The following PTPRD variants were observed in gnomAD, a reference collection of about 807,000 sequenced individuals.
PTPRD encodes protein tyrosine phosphatase receptor type D.
In PTPRD, 34 loss-of-function variants were observed where a neutral mutation model predicts 214.5. The ratio of observed to expected loss-of-function variants is 0.16; its 90% confidence interval spans 0.12 to 0.21. The LOEUF (loss-of-function observed/expected upper bound fraction) is 0.21, where lower values mean the gene tolerates loss of function less well. Among genes scored for constraint, PTPRD ranks in the 10% least tolerant of loss-of-function variants. PTPRD has a pLI of 1.00. For missense variants in PTPRD, 2,545 were observed against 2,398.7 expected, an observed-to-expected ratio of 1.06 and a Z score of -1.27; for synonymous variants, 1,128 against 845.7, an observed-to-expected ratio of 1.33 and a Z score of -5.79.
intron 2 of PTPRD, among the ~76,000 whole-genome samples, chr9:10,423,305 T>TG (rs919981809): frequency 4.0e-5 from 6 of 151,484 alleles, no homozygotes; most frequent in African/African-American, 1.5e-4. Flanking sequence ...GGGTCTGTCA[T>TG]GGGGTGGAGG....
In PTPRD at chr9:10,221,346, C is replaced by G. The variant is rs115540882; in HGVS notation, c.-545+119617G>C. Among the ~76,000 whole-genome samples, 869 of 152,054 alleles carry G rather than the reference C, an allele frequency of 5.7e-3. 12 individuals are homozygous for G. The highest frequency in any genetic ancestry group is 0.02 in the African/African-American group (834 of 41,526). On this transcript the variant is annotated intron_variant, in intron 3 of 45. Transcript: ENST00000381196. ...ACACACACCTCTGCATACTCGATATCATTTTTATATGATATGGAAAAAATT... is the reference window on the plus strand; with the variant it reads ...ACACACACCTCTGCATACTCGATATGATTTTTATATGATATGGAAAAAATT...
At chr9:9,136,674 T>G (rs1312606687) in intron 10 of PTPRD, among the ~76,000 whole-genome samples, 1 of 152,180 alleles carries the variant, frequency 6.6e-6, no homozygotes, top group Non-Finnish European at 1.5e-5. Context: ...TGTAGTAGTT[T>G]AAGATTTTCA....
At chr9:10,364,711 G>A (rs949218990) in intron 2 of PTPRD, among the ~76,000 whole-genome samples, 1 of 152,142 alleles carries the variant, frequency 6.6e-6, no homozygotes, top group Non-Finnish European at 1.5e-5. Context: ...AATTGCCAGG[G>A]AAGTGGGGCA....
At chr9:9,859,145 C>G (rs1480272376) in intron 5 of PTPRD, among the ~76,000 whole-genome samples, 2 of 152,206 alleles carry the variant, frequency 1.3e-5, no homozygotes, top group South Asian at 2.1e-4. Context: ...CTCTCTTCTA[C>G]TGCCTTGTGA....
In PTPRD at chr9:9,478,108, T is replaced by C. The variant is rs571322711; in HGVS notation, c.-236-80626A>G. Reference sequence around the variant, plus strand: ...TTGTCTCAAATAATTTAGGTTTTTTTAGATTATGCGTAAACCTTCTTTGGC... The same window carrying C: ...TTGTCTCAAATAATTTAGGTTTTTTCAGATTATGCGTAAACCTTCTTTGGC... On this transcript the variant is annotated intron_variant, in intron 8 of 45. Transcript: ENST00000381196. Among the ~76,000 whole-genome samples, 19 of 149,746 alleles carry C rather than the reference T, an allele frequency of 1.3e-4. No homozygotes were observed. The South Asian group carries it at 3.5e-3, about 28-fold the overall frequency.
intron 11 of PTPRD, among the ~76,000 whole-genome samples, chr9:8,915,492 T>C (rs1481685914): frequency 1.3e-5 from 2 of 152,270 alleles, no homozygotes; most frequent in Admixed American, 6.5e-5. Flanking sequence ...TGTGTGTGTG[T>C]GTGCACATTC....
chr9:10,159,884 C>G (rs550116159), intron 3 of PTPRD, among the ~76,000 whole-genome samples: 2 of 151,846 alleles, frequency 1.3e-5, no homozygotes, highest in African/African-American at 4.8e-5. Flanking sequence ...AGGCAGAATC[C>G]GAGAATTATT....
intron 4 of PTPRD, among the ~76,000 whole-genome samples, chr9:9,976,636 C>T (rs2382100): frequency 0.77 from 109,299 of 141,226 alleles, 42,551 homozygotes; most frequent in Middle Eastern, 0.88. Flanking sequence ...GATCCCCCGC[C>T]TTGACCTCCC....
chr9:10,345,873 C>T (rs2097068704), intron 2 of PTPRD, among the ~76,000 whole-genome samples: 1 of 152,120 alleles, frequency 6.6e-6, no homozygotes, highest in Admixed American at 6.5e-5. Flanking sequence ...ATTTACACTC[C>T]CACCAACAGT....
chr9:10,297,581 T>C (rs1408477084), intron 3 of PTPRD, among the ~76,000 whole-genome samples: 2 of 68,402 alleles, frequency 2.9e-5, no homozygotes, highest in Non-Finnish European at 4.9e-5. Flanking sequence ...ATGAGTTGTG[T>C]TTTTTTTTTT....
At chr9:10,342,256 T>C (rs922733368) in intron 2 of PTPRD, among the ~76,000 whole-genome samples, 2 of 152,084 alleles carry the variant, frequency 1.3e-5, no homozygotes, top group South Asian at 2.1e-4. Context: ...TAACAAATCC[T>C]CTTCACTTGT....
chr9:9,075,744 C>G (rs1406302864), intron 10 of PTPRD, among the ~76,000 whole-genome samples: 1 of 152,134 alleles, frequency 6.6e-6, no homozygotes, highest in Non-Finnish European at 1.5e-5. Flanking sequence ...CTGAACTCAT[C>G]CTTTTTTATG....
intron 8 of PTPRD, among the ~76,000 whole-genome samples, chr9:9,521,964 C>T (rs1461335218): frequency 6.6e-6 from 1 of 151,930 alleles, no homozygotes; most frequent in Non-Finnish European, 1.5e-5. Context: ...TTGAGACGAG[C>T]CTGACCAACG....
chr9:8,601,113 TC>T (rs1355239578), intron 14 of PTPRD, among the ~76,000 whole-genome samples: 1 of 152,092 alleles, frequency 6.6e-6, no homozygotes, highest in Admixed American at 6.5e-5. Context: ...TTGGCAGTAC[TC>T]CCTATGGGCC....
intron 2 of PTPRD, among the ~76,000 whole-genome samples, chr9:10,392,685 G>A (rs548743693): frequency 6.6e-5 from 10 of 151,868 alleles, no homozygotes; most frequent in South Asian, 2.1e-4. Flanking sequence ...AAGAGAATTC[G>A]GAATTCTGCC....
At chr9:9,875,499 T>C (rs1048791666) in intron 5 of PTPRD, among the ~76,000 whole-genome samples, 1 of 152,142 alleles carries the variant, frequency 6.6e-6, no homozygotes, top group Non-Finnish European at 1.5e-5. Flanking sequence ...ACTGCCTTCT[T>C]ATTTTACTTT....
intron 2 of PTPRD, among the ~76,000 whole-genome samples, chr9:10,403,227 AATATATATATATATATATATATAT>A (rs58712564): frequency 3.3e-5 from 2 of 59,878 alleles, no homozygotes; most frequent in African/African-American, 1.2e-4. Context: ...TGTGTGTGTA[AATATATATATATATATATATATAT>A]ATATATATGA....
chr9:8,942,343 GCCAGTTCCACTGCTT>G (rs1431105870), intron 11 of PTPRD, among the ~76,000 whole-genome samples: 1 of 151,998 alleles, frequency 6.6e-6, no homozygotes, highest in Non-Finnish European at 1.5e-5. Context: ...ATCACTTTTG[GCCAGTTCCACTGCTT>G]CCCGTTTTAC....
intron 3 of PTPRD, among the ~76,000 whole-genome samples, chr9:10,112,315 G>C (rs1367058967): frequency 6.6e-6 from 1 of 152,168 alleles, no homozygotes; most frequent in Admixed American, 6.5e-5. Context: ...CTTATCCATG[G>C]AGTTAATAGG....
Sources: gnomAD v4.1 joint callset for allele counts (sites outside exome capture counted in the v4.1 genomes callset) on GRCh38, gnomAD v4.1.1 for gene constraint, MANE v1.5 for transcripts, NCBI Gene and HGNC (gene_info 2026-07-23, HGNC 2026-07-21) for gene names.